Variants in VPS16 observed in about 807,000 individuals in gnomAD.
VPS16 encodes the protein vacuolar protein sorting-associated protein 16 homolog.
VPS16 carries 82 observed loss-of-function variants against 116.0 expected under a neutral mutation model. That is an observed-to-expected ratio of 0.71 (90% CI 0.59 to 0.85). The LOEUF (loss-of-function observed/expected upper bound fraction) is 0.85, where lower values mean the gene tolerates loss of function less well. Among genes scored for constraint, VPS16 ranks in the 40% least tolerant of loss-of-function variants. The pLI, the probability that VPS16 is intolerant of heterozygous loss-of-function variation, is 0.00. For synonymous variants in VPS16, 406 were observed against 420.7 expected, an observed-to-expected ratio of 0.96 and a Z score of 0.43; for missense variants, 928 against 1,090.6, an observed-to-expected ratio of 0.85 and a Z score of 2.10.
chr20:2,843,372 C>T lies in VPS16; in HGVS notation c.53+2545C>T, dbSNP rs572549395. ...GCTTGAACCTGGGAGGCGGAGGTTG[C>T]GGTGAGCCAAGATCGCACCACTGTA... On this transcript the variant is annotated intron_variant, in intron 1 of 23. Transcript: ENST00000380445. Among the ~76,000 whole-genome samples the T allele has an allele frequency of 1.4e-4, 21 of 151,394 alleles. 1 individual carries two copies. Among genetic ancestry groups the T allele is most frequent in the African/African-American group, 4.6e-4 (19 of 41,238 alleles).
intron 1 of VPS16, among the ~76,000 whole-genome samples, chr20:2,855,833 C>T (rs2089166929): frequency 6.6e-6 from 1 of 152,220 alleles, no homozygotes; most frequent in African/African-American, 2.4e-5. Flanking sequence ...AGAGTTAGGG[C>T]CTTGCTCTGA....
intron 1 of VPS16, among the ~76,000 whole-genome samples, chr20:2,852,797 G>A (rs768831094): frequency 2.0e-5 from 3 of 152,168 alleles, no homozygotes; most frequent in Non-Finnish European, 4.4e-5. Flanking sequence ...GCTGGTGGAG[G>A]GTCTTGCCTC....
At position 2,865,110 on chromosome 20, in the gene VPS16, C is replaced by T. The variant is rs761262562; in HGVS notation, c.2005-38C>T. Reference sequence around the variant, plus strand: ...TCGTCTCCTGGTCTTCCCTCCTGGTCCCTCATCCCCATCATGCCTCATTAT... The same window carrying T: ...TCGTCTCCTGGTCTTCCCTCCTGGTTCCTCATCCCCATCATGCCTCATTAT... On this transcript the variant is annotated intron_variant, in intron 20 of 23. Coordinates refer to ENST00000380445, the MANE Select transcript of VPS16 (RefSeq NM_022575.4). The surrounding 1 kb of genome is among the most constrained non-coding windows in gnomAD (Gnocchi z 5.2). 1.2e-6 allele frequency: 2 copies of T among 1,614,154 alleles called. No homozygotes were observed. Among genetic ancestry groups the T allele is most frequent in the Admixed American group, 3.3e-5 (2 of 60,024 alleles).
At position 2,843,395 on chromosome 20, in the gene VPS16, G is replaced by C. The variant is rs376243264; in HGVS notation, c.53+2568G>C. 2.0e-5 allele frequency among the ~76,000 whole-genome samples: 3 copies of C among 150,836 alleles called. 1 individual carries two copies. In the South Asian group the frequency reaches 6.3e-4, roughly 31 times the overall value. Reference sequence around the variant, plus strand: ...TGCGGTGAGCCAAGATCGCACCACTGTACTCCAGCCTGGGCAACAGAGCAA... The same window carrying C: ...TGCGGTGAGCCAAGATCGCACCACTCTACTCCAGCCTGGGCAACAGAGCAA... On this transcript the variant is annotated intron_variant, in intron 1 of 23. Coordinates refer to ENST00000380445, the MANE Select transcript of VPS16 (RefSeq NM_022575.4).
Position 2,865,598 on chromosome 20 carries a change from C to G in VPS16, c.2271+103C>G, listed in dbSNP as rs952303905. 6 of 1,047,962 alleles carry G rather than the reference C, an allele frequency of 5.7e-6. No individual in the cohort carries two copies. Among genetic ancestry groups the G allele is most frequent in the Non-Finnish European group, 8.3e-6 (6 of 722,442 alleles). 64.9% of individuals were successfully genotyped at this position (1,047,962 alleles called of 1,614,324 possible). On this transcript the variant is annotated intron_variant, in intron 22 of 23. Transcript: ENST00000380445. The surrounding 1 kb of genome is among the most constrained non-coding windows in gnomAD (Gnocchi z 5.2). ...AGGATGGCCCGTTCATGCTCCTGTT[C>G]AGCTGCCCGCATAGTTAGCGAGTGC...
At chr20:2,847,422 C>T (rs2089071367) in intron 1 of VPS16, among the ~76,000 whole-genome samples, 1 of 152,022 alleles carries the variant, frequency 6.6e-6, no homozygotes, top group African/African-American at 2.4e-5. Flanking sequence ...CCCATCCCAC[C>T]CTTGTGCTCA....
At position 2,843,463 on chromosome 20, in the gene VPS16, T is replaced by G. The variant is rs142727744; in HGVS notation, c.53+2636T>G. 3.1e-3 allele frequency among the ~76,000 whole-genome samples: 475 copies of G among 151,522 alleles called. 12 individuals carry two copies. The highest frequency in any genetic ancestry group is 0.029 in the South Asian group (140 of 4,822). ...AAAAAAAAAAGAAAAGAAATATGCCTGTGCAGTATGAAAAAATTGCAAAAA... is the reference window on the plus strand; with the variant it reads ...AAAAAAAAAAGAAAAGAAATATGCCGGTGCAGTATGAAAAAATTGCAAAAA... On this transcript the variant is annotated intron_variant, in intron 1 of 23. Coordinates refer to ENST00000380445, the MANE Select transcript of VPS16 (RefSeq NM_022575.4).
intron 1 of VPS16, among the ~76,000 whole-genome samples, chr20:2,842,144 A>G (rs1211264766): frequency 6.6e-6 from 1 of 152,116 alleles, no homozygotes; most frequent in Non-Finnish European, 1.5e-5. Flanking sequence ...TTTTTTAAAA[A>G]TATTTTACTG....
rs1208852513 is a variant in VPS16, at chr20:2,865,807, AG to A, written c.2271+315del. 1 of 477,990 alleles carries A rather than the reference AG, an allele frequency of 2.1e-6. No homozygotes were observed. The highest frequency in any genetic ancestry group is 2.0e-5 in the African/African-American group (1 of 51,164). The allele number at this position is 477,990 out of a possible 1,614,324, so 29.6% of individuals were successfully genotyped here. A position where few individuals can be genotyped will look rare whatever the true frequency, so the allele number is the denominator to read the frequency against. On this transcript the variant is annotated intron_variant, in intron 22 of 23. Transcript: ENST00000380445. The surrounding 1 kb of genome is among the most constrained non-coding windows in gnomAD (Gnocchi z 5.2). ...TGAGGAGGGTGGAGGGGGCACAGGG[AG>A]GGTGCATATGGGAGGCAGTGGAGAT...
In VPS16 at chr20:2,861,789, C is replaced by A. The variant is rs780785272; in HGVS notation, c.900-16C>A. On this transcript the variant is annotated splice_polypyrimidine_tract_variant and intron_variant, in intron 9 of 23. Transcript: ENST00000380445. ...TCCCATCTGTAGGTGCTCTTAGGAG[C>A]CTTAACCAAGCTCAGGTTTGTGCTG... The A allele has an allele frequency of 3.1e-6, 5 of 1,613,392 alleles. No individual in the cohort carries two copies. Among genetic ancestry groups the A allele is most frequent in the East Asian group, 2.2e-5 (1 of 44,858 alleles).
In VPS16 at chr20:2,863,108, A is replaced by C; in HGVS notation, c.1367+8A>C. The C allele has an allele frequency of 1.2e-6, 2 of 1,613,930 alleles. No homozygotes were observed. The highest frequency in any genetic ancestry group is 1.7e-6 in the Non-Finnish European group (2 of 1,179,992). The stretch of plus-strand genomic sequence containing the variant: ...CCAGGTGCTGCTGGACAGGTAGGGT[A>C]AGCCCAAGGGTGCAGTGAGCGGGCT... On this transcript the variant is annotated splice_region_variant and intron_variant, in intron 14 of 23. Transcript: ENST00000380445. This position sits in a 1 kb window ranked among gnomAD's most constrained non-coding sequence, Gnocchi z 4.4.
At chr20:2,846,641 T>C (rs1176686720) in intron 1 of VPS16, among the ~76,000 whole-genome samples, 1 of 152,120 alleles carries the variant, frequency 6.6e-6, no homozygotes, top group Admixed American at 6.6e-5. Context: ...GATTTGGGAA[T>C]TACTGGATTA....
chr20:2,842,497 C>G (rs1416373272), intron 1 of VPS16, among the ~76,000 whole-genome samples: 1 of 151,664 alleles, frequency 6.6e-6, no homozygotes, highest in Non-Finnish European at 1.5e-5. Context: ...ATCCCAGCTA[C>G]TTGGGAGGCT....
In VPS16 at chr20:2,866,516, C is replaced by T. The variant is rs1458646984; in HGVS notation, c.2462C>T (p.Thr821Ile). ...GTATTGTCCCACTGCACGGGAGCCA[C>T]AGATGGGGCCACAGCTGACAAGATT... The part of the protein sequence containing the change: ...SLVLSHCTGA[T>I]DGATADKIQR... Residue 821 changes from threonine (T) to isoleucine (I), a missense_variant, in exon 24 of 24, where the codon ACA becomes ATA. Physicochemically the swap from Thr to Ile is moderately conservative, Grantham distance 89 (BLOSUM62 -1). Transcript: ENST00000380445. The T allele has an allele frequency of 1.2e-6, 2 of 1,614,180 alleles. No individual in the cohort carries two copies. Among genetic ancestry groups the T allele is most frequent in the Admixed American group, 1.7e-5 (1 of 60,028 alleles).
At chr20:2,841,793 T>C (rs944502366) in intron 1 of VPS16, among the ~76,000 whole-genome samples, 1 of 151,904 alleles carries the variant, frequency 6.6e-6, no homozygotes, top group Admixed American at 6.6e-5. Flanking sequence ...AGTCTTCCTC[T>C]GTTGCCCAGG....
intron 1 of VPS16, among the ~76,000 whole-genome samples, chr20:2,854,807 A>C (rs1391497285): frequency 7.6e-6 from 1 of 132,448 alleles, no homozygotes; most frequent in Non-Finnish European, 1.6e-5. Flanking sequence ...AAAAAAAAAA[A>C]GAAAGAAAGA....
At chr20:2,851,225 G>A (rs1568623887) in intron 1 of VPS16, among the ~76,000 whole-genome samples, 5 of 152,208 alleles carry the variant, frequency 3.3e-5, no homozygotes, top group Non-Finnish European at 7.3e-5. Flanking sequence ...AAAGACGTAG[G>A]CAAGCTGCAA....
At chr20:2,845,622 A>T (rs2089051296) in intron 1 of VPS16, among the ~76,000 whole-genome samples, 1 of 152,104 alleles carries the variant, frequency 6.6e-6, no homozygotes, top group African/African-American at 2.4e-5. Flanking sequence ...ATTGTGGTTA[A>T]ATATACATGA....
At chr20:2,846,882 G>A (rs1034490229) in intron 1 of VPS16, among the ~76,000 whole-genome samples, 4 of 152,268 alleles carry the variant, frequency 2.6e-5, no homozygotes, top group Middle Eastern at 3.4e-3. Flanking sequence ...TAGGTTTAAC[G>A]ATTTCCTGGT....
Sources: allele counts gnomAD v4.1 joint callset (sites outside exome capture counted in the v4.1 genomes callset), GRCh38; gene constraint gnomAD v4.1.1; non-coding constraint Gnocchi (gnomAD v3.1); transcripts MANE v1.5; gene names NCBI Gene and HGNC (gene_info 2026-07-23, HGNC 2026-07-21).